CSMD1: variants seen among roughly 807,000 people sequenced by gnomAD.
The protein encoded by CSMD1 is CUB and sushi domain-containing protein 1.
A neutral mutation model predicts 417.5 loss-of-function variants in CSMD1; 213 were observed. The observed-to-expected ratio is 0.51, with a 90% CI of 0.46 to 0.57. CSMD1 has a LOEUF of 0.57. CSMD1 is among the 20% of genes least tolerant of loss of function. The probability of loss-of-function intolerance (pLI) is 0.00; values close to 1 mark genes in which losing one functional copy is unlikely to be tolerated. For synonymous variants in CSMD1, 2,862 were observed against 1,736.8 expected, an observed-to-expected ratio of 1.65 and a Z score of -16.11; for missense variants, 6,923 against 4,529.7, an observed-to-expected ratio of 1.53 and a Z score of -15.17.
At chr8:3,832,888 C>T (rs1206348993) in intron 5 of CSMD1, among the ~76,000 whole-genome samples, 6 of 152,034 alleles carry the variant, frequency 3.9e-5, no homozygotes. Context: ...GAAGAAAACC[C>T]ATATTGCATA....
chr8:3,224,751 A>T (rs1208725016), intron 27 of CSMD1, among the ~76,000 whole-genome samples: 1 of 152,232 alleles, frequency 6.6e-6, no homozygotes, highest in African/African-American at 2.4e-5. Flanking sequence ...AATGTGGTTA[A>T]TAGGCAAGCC....
intron 1 of CSMD1, among the ~76,000 whole-genome samples, chr8:4,940,025 G>T (rs1807881241): frequency 6.6e-6 from 1 of 152,192 alleles, no homozygotes; most frequent in African/African-American, 2.4e-5. Flanking sequence ...AAAGATCCAT[G>T]TGCCTGCACT....
chr8:4,161,492 A>G (rs1238004265), intron 3 of CSMD1, among the ~76,000 whole-genome samples: 2 of 152,202 alleles, frequency 1.3e-5, no homozygotes, highest in East Asian at 3.9e-4. Flanking sequence ...CTGTTGAGAT[A>G]AAAGAAAAAG....
At chr8:4,050,681 C>A (rs1292814833) in intron 3 of CSMD1, among the ~76,000 whole-genome samples, 4 of 152,002 alleles carry the variant, frequency 2.6e-5, no homozygotes, top group Non-Finnish European at 5.9e-5. Context: ...CATTACACAT[C>A]CCCACTTCCA....
chr8:4,304,221 G>C (rs1409840829), intron 3 of CSMD1, among the ~76,000 whole-genome samples: 1 of 152,090 alleles, frequency 6.6e-6, no homozygotes, highest in Middle Eastern at 3.2e-3. Flanking sequence ...ATTTAAAGCT[G>C]TTTTATTCTA....
At chr8:4,475,227 A>G (rs780259350) in intron 2 of CSMD1, among the ~76,000 whole-genome samples, 2 of 152,208 alleles carry the variant, frequency 1.3e-5, no homozygotes, top group Non-Finnish European at 2.9e-5. Context: ...ATGGCATTCA[A>G]TACTGTTTAT....
At chr8:4,857,224 C>A (rs1410747321) in intron 1 of CSMD1, among the ~76,000 whole-genome samples, 4 of 148,630 alleles carry the variant, frequency 2.7e-5, no homozygotes, top group East Asian at 4.0e-4. Flanking sequence ...CCAACGAGAA[C>A]AAAGACACAA....
chr8:4,097,505 T>G (rs927313098), intron 3 of CSMD1, among the ~76,000 whole-genome samples: 4 of 152,216 alleles, frequency 2.6e-5, no homozygotes, highest in Non-Finnish European at 5.9e-5. Context: ...TCCCTTTGAA[T>G]GTCTTGTTGC....
intron 3 of CSMD1, among the ~76,000 whole-genome samples, chr8:4,144,899 TTCAGACTCTA>T (rs1005957346): frequency 2.0e-5 from 3 of 150,950 alleles, no homozygotes; most frequent in Admixed American, 6.6e-5. Flanking sequence ...AAAATAGGCT[TTCAGACTCTA>T]TCAGTGAGTG....
intron 3 of CSMD1, among the ~76,000 whole-genome samples, chr8:4,263,224 C>G (rs900235595): frequency 4.6e-5 from 7 of 151,976 alleles, no homozygotes; most frequent in African/African-American, 1.7e-4. Flanking sequence ...AAAGGCTAGG[C>G]TGTTGGGTAA....
At chr8:4,587,399 GTGGATATATATGTATATGTACATGTA>G (rs1364877371) in intron 2 of CSMD1, among the ~76,000 whole-genome samples, 42 of 76,246 alleles carry the variant, frequency 5.5e-4, no homozygotes, top group African/African-American at 3.1e-3. Context: ...ACATGTATAT[GTGGATATATATGTATATGTACATGTA>G]TATGTGGATA....
At chr8:4,027,619 C>T (rs1405641284) in intron 4 of CSMD1, among the ~76,000 whole-genome samples, 1 of 152,166 alleles carries the variant, frequency 6.6e-6, no homozygotes. Context: ...AGTGAATTAA[C>T]CTCTTTTCTT....
chr8:4,222,768 AG>A (rs934470486), intron 3 of CSMD1, among the ~76,000 whole-genome samples: 32 of 152,324 alleles, frequency 2.1e-4, no homozygotes, highest in African/African-American at 6.3e-4. Context: ...GTTATAGTTT[AG>A]CTCACCGAGT....
rs528193293 is a variant in CSMD1, at chr8:4,621,332, CCACTT to C, written c.302+16005_302+16009del. On this transcript the variant is annotated intron_variant, in intron 2 of 69. Coordinates refer to ENST00000635120, the MANE Select transcript of CSMD1 (RefSeq NM_033225.6). ...CAAAGAAGGTCAGGTGTGGAATTTT[CCACTT>C]ATGATGTCATGTTGGCACGAAACAA... is the stretch of plus-strand genomic sequence containing the variant. Among the ~76,000 whole-genome samples, 8 of 151,986 alleles carry C rather than the reference CCACTT, an allele frequency of 5.3e-5. No individual in the cohort carries two copies. In the South Asian group the frequency reaches 1.2e-3, roughly 24 times the overall value.
At chr8:3,299,503 C>A (rs927293308) in intron 25 of CSMD1, among the ~76,000 whole-genome samples, 1 of 152,130 alleles carries the variant, frequency 6.6e-6, no homozygotes, top group East Asian at 1.9e-4. Flanking sequence ...TCTGTGATAT[C>A]AGATACAGGC....
rs565697513 is a variant in CSMD1, at chr8:3,500,440, GTCCCT to G, written c.1345-6719_1345-6715del. On this transcript the variant is annotated intron_variant, in intron 10 of 69. Transcript: ENST00000635120. ...CACGACCAGACACACAGAAATGGGG[GTCCCT>G]AACCACAGATGCCACCTAAAATACT... 9.2e-5 allele frequency among the ~76,000 whole-genome samples: 14 copies of G among 152,232 alleles called. No individual in the cohort carries two copies. The South Asian group carries it at 2.7e-3, about 29-fold the overall frequency.
chr8:4,386,277 G>A (rs1038948712), intron 3 of CSMD1, among the ~76,000 whole-genome samples: 1 of 151,486 alleles, frequency 6.6e-6, no homozygotes, highest in Non-Finnish European at 1.5e-5. Context: ...CCCCGGTTAT[G>A]ACTTCCATCC....
Position 3,796,595 on chromosome 8 carries a change from A to G in CSMD1, c.819-42553T>C, listed in dbSNP as rs77486906. On this transcript the variant is annotated intron_variant, in intron 5 of 69. Coordinates refer to ENST00000635120, the MANE Select transcript of CSMD1 (RefSeq NM_033225.6). ...TATCTAAGATATAATATATAGATATATATCTATAATGTATAGATGTATAGA... is the reference window on the plus strand; with the variant it reads ...TATCTAAGATATAATATATAGATATGTATCTATAATGTATAGATGTATAGA... 1.5e-4 allele frequency among the ~76,000 whole-genome samples: 22 copies of G among 147,184 alleles called. No individual in the cohort carries two copies. The South Asian group carries it at 4.4e-3, about 30-fold the overall frequency.
At chr8:3,315,565 T>C (rs1312282905) in intron 23 of CSMD1, among the ~76,000 whole-genome samples, 1 of 152,134 alleles carries the variant, frequency 6.6e-6, no homozygotes, top group Non-Finnish European at 1.5e-5. Flanking sequence ...TTTAATTCAT[T>C]CAATTTTTCC....
Sources: allele counts gnomAD v4.1 joint callset (sites outside exome capture counted in the v4.1 genomes callset), GRCh38; gene constraint gnomAD v4.1.1; transcripts MANE v1.5; gene names NCBI Gene and HGNC (gene_info 2026-07-23, HGNC 2026-07-21).